The following USP43 variants were observed in gnomAD, a reference collection of about 807,000 sequenced individuals.
USP43 encodes the protein ubiquitin carboxyl-terminal hydrolase 43.
In USP43, 33 loss-of-function variants were observed where a neutral mutation model predicts 90.7. The ratio of observed to expected loss-of-function variants is 0.36; its 90% CI spans 0.28 to 0.49. USP43 has a LOEUF of 0.49. Among genes scored for constraint, USP43 ranks in the 20% least tolerant of loss-of-function variants. The probability of loss-of-function intolerance (pLI) is 0.98; values close to 1 mark genes in which losing one functional copy is unlikely to be tolerated. For missense variants in USP43, 1,274 were observed against 1,476.4 expected (o/e 0.86, Z 2.25); for synonymous variants, 598 against 615.8 (o/e 0.97, Z 0.43).
At chr17:9,692,744 C>T (rs1309139049) in intron 8 of USP43, among the ~76,000 whole-genome samples, 4 of 152,096 alleles carry the variant, frequency 2.6e-5, no homozygotes, top group East Asian at 3.9e-4. Flanking sequence ...AAAATTGCCT[C>T]ATTGTGGGGA....
chr17:9,672,094 G>A (rs1380422323), intron 3 of USP43, among the ~76,000 whole-genome samples: 2 of 151,990 alleles, frequency 1.3e-5, no homozygotes, highest in Admixed American at 6.6e-5. Flanking sequence ...CCTCCCGGGT[G>A]CAAGCGATTC....
At chr17:9,725,246 CTAACGGCCTGTGTCTT>C (rs1478300255) in intron 14 of USP43, among the ~76,000 whole-genome samples, 2 of 149,200 alleles carry the variant, frequency 1.3e-5, no homozygotes, top group Admixed American at 1.3e-4. Context: ...CAGGAAGAAC[CTAACGGCCTGTGTCTT>C]TAATGCAGTG....
chr17:9,724,214 C>A (rs376636046), intron 14 of USP43, among the ~76,000 whole-genome samples: 2 of 152,146 alleles, frequency 1.3e-5, no homozygotes, highest in Non-Finnish European at 2.9e-5. Context: ...TTCCCCGCTT[C>A]GTCCTGCTGG....
At chr17:9,711,108 C>T (rs971196210) in intron 13 of USP43, among the ~76,000 whole-genome samples, 2 of 152,074 alleles carry the variant, frequency 1.3e-5, no homozygotes, top group African/African-American at 4.8e-5. Context: ...TTCTTACTGT[C>T]CAGTATAATA....
chr17:9,687,269 A>G (rs1256488911), intron 8 of USP43, among the ~76,000 whole-genome samples: 1 of 151,986 alleles, frequency 6.6e-6, no homozygotes, highest in Non-Finnish European at 1.5e-5. Flanking sequence ...CCAATTTTGT[A>G]TGTTTATGGC....
chr17:9,710,215 G>A (rs909687668), intron 13 of USP43, 101 bp downstream of exon 13: 1 of 1,276,928 alleles, frequency 7.8e-7, no homozygotes. Flanking sequence ...AGGTTGGCAA[G>A]GATCTGAAAG....
intron 9 of USP43, among the ~76,000 whole-genome samples, chr17:9,697,797 G>T (rs536508653): frequency 2.8e-4 from 42 of 152,060 alleles, no homozygotes; most frequent in Non-Finnish European, 5.4e-4. Flanking sequence ...TGTGACAAAC[G>T]TGTGAGTGCA....
intron 1 of USP43, among the ~76,000 whole-genome samples, chr17:9,652,234 A>AAAAAAAAAAG (rs61023073): frequency 2.7e-5 from 4 of 149,680 alleles, no homozygotes; most frequent in African/African-American, 1.0e-4. Context: ...AAAAAAGAAA[A>AAAAAAAAAAG]GAAAAGAAAG....
At chr17:9,723,093 G>A (rs1171691850) in intron 14 of USP43, among the ~76,000 whole-genome samples, 2 of 152,190 alleles carry the variant, frequency 1.3e-5, no homozygotes, top group African/African-American at 4.8e-5. Flanking sequence ...CAGCTTGGCT[G>A]GTTGCACGAC....
At chr17:9,715,829 A>G (rs994095610) in intron 14 of USP43, among the ~76,000 whole-genome samples, 4 of 122,702 alleles carry the variant, frequency 3.3e-5, no homozygotes, top group African/African-American at 9.7e-5. Flanking sequence ...CTGTGTGTCT[A>G]TGTGTATGTA....
rs1380740291 is a variant in USP43, at chr17:9,728,338, A to G, written c.2720A>G (p.Asp907Gly). The G allele has an allele frequency of 6.2e-7, 1 of 1,612,226 alleles. No individual in the cohort carries two copies. Among genetic ancestry groups the G allele is most frequent in the Non-Finnish European group, 8.5e-7 (1 of 1,179,158 alleles). The change falls in exon 15 of 15, where the codon GAT (aspartate) becomes GGT (glycine). Residue 907 changes from aspartate (D) to glycine (G), a missense_variant. Physicochemically the swap from Asp to Gly is moderately conservative, Grantham distance 94. Around this residue, in one of 6 missense-constraint regions of USP43, gnomAD observed 353 missense variants for 329.7 expected, o/e 1.07. Transcript: ENST00000285199. This position sits in a 1 kb window ranked among gnomAD's most constrained non-coding sequence, Gnocchi z 6.2. ...PNHCLAPGNS[D>G]GPNTARKLKE... ...CACTGTCTGGCCCCTGGAAACTCAG[A>G]TGGTCCAAACACAGCAAGGAAACTC... is the stretch of plus-strand genomic sequence containing the variant.
chr17:9,701,908 A>G lies in USP43; in HGVS notation c.2011+208A>G, dbSNP rs955047503. Among the ~76,000 whole-genome samples the G allele has an allele frequency of 1.3e-5, 2 of 152,140 alleles. No homozygotes were observed. Among genetic ancestry groups the G allele is most frequent in the Non-Finnish European group, 2.9e-5 (2 of 68,024 alleles). On this transcript the variant is annotated intron_variant, in intron 12 of 14. Transcript: ENST00000285199. The surrounding 1 kb of genome is among the most constrained non-coding windows in gnomAD (Gnocchi z 7.2). ...TGTAGGAGCTGGTGGGGGAGAGAGA[A>G]TTCCAGTAAAATATAGTGCTGAGTC... is the stretch of plus-strand genomic sequence containing the variant.
rs564353108 is a variant in USP43, at chr17:9,700,841, G to A, written c.1536-278G>A. Among the ~76,000 whole-genome samples, 430 of 152,282 alleles carry A rather than the reference G, an allele frequency of 2.8e-3. 1 individual carries two copies. The highest frequency in any genetic ancestry group is 4.5e-3 in the Non-Finnish European group (304 of 68,026). On this transcript the variant is annotated intron_variant, in intron 10 of 14. Coordinates refer to ENST00000285199, the MANE Select transcript of USP43 (RefSeq NM_153210.5). Reference sequence around the variant, plus strand: ...TCGTTCAGTCCAGCAAGTATTTATTGATCAACTTCTAGGTGCCAGGCCCTG... The same window carrying A: ...TCGTTCAGTCCAGCAAGTATTTATTAATCAACTTCTAGGTGCCAGGCCCTG...
At chr17:9,678,336 A>G (rs1913921566) in intron 5 of USP43, among the ~76,000 whole-genome samples, 1 of 152,142 alleles carries the variant, frequency 6.6e-6, no homozygotes, top group South Asian at 2.1e-4. Context: ...TCATAGATAT[A>G]TGTACTTGGA....
chr17:9,689,763 A>G (rs1481030675), intron 8 of USP43, among the ~76,000 whole-genome samples: 1 of 152,058 alleles, frequency 6.6e-6, no homozygotes, highest in African/African-American at 2.4e-5. Context: ...TGAGGCCAGC[A>G]CTATTTGTGT....
Position 9,701,042 on chromosome 17 carries a change from G to A in USP43, c.1536-77G>A, listed in dbSNP as rs151136787. 3.3e-3 allele frequency: 4,642 copies of A among 1,416,006 alleles called. 19 individuals are homozygous for A. Among genetic ancestry groups the A allele is most frequent in the Middle Eastern group, 7.5e-3 (31 of 4,112 alleles). 87.7% of individuals were successfully genotyped at this position (1,416,006 alleles called of 1,614,324 possible). A position where few individuals can be genotyped will look rare whatever the true frequency, so the allele number is the denominator to read the frequency against. ...CTGGCCAATGTCTGCTGACGGGTTT[G>A]CTGTGAGTAGAGACATAGACGAAAC... On this transcript the variant is annotated intron_variant, in intron 10 of 14. Transcript: ENST00000285199. The surrounding 1 kb of genome is among the most constrained non-coding windows in gnomAD (Gnocchi z 7.2).
At chr17:9,672,305 A>G (rs1351768678) in intron 3 of USP43, among the ~76,000 whole-genome samples, 2 of 152,134 alleles carry the variant, frequency 1.3e-5, no homozygotes, top group Non-Finnish European at 2.9e-5. Context: ...CATCGTTTTC[A>G]TTCTTTCAAT....
Position 9,728,505 on chromosome 17 carries a change from A to T in USP43, c.2887A>T (p.Ser963Cys). Residue 963 changes from serine (S) to cysteine (C), a missense_variant, in exon 15 of 15, where the codon AGC (serine) becomes TGC (cysteine). Ser to Cys is a moderately radical substitution (Grantham distance 112). Transcript: ENST00000285199. This position sits in a 1 kb window ranked among gnomAD's most constrained non-coding sequence, Gnocchi z 6.2. Reference sequence around the variant, plus strand: ...CTGGAAGGAGAGCTTCCAGATGGGAAGCAAAAGCAGCCCACCCTCCCCCTA... The same window carrying T: ...CTGGAAGGAGAGCTTCCAGATGGGATGCAAAAGCAGCCCACCCTCCCCCTA... Reference protein sequence around the residue: ...MNWKESFQMGSKSSPPSPYMG... With the variant: ...MNWKESFQMGCKSSPPSPYMG... 6.2e-7 allele frequency: 1 copy of T among 1,613,912 alleles called. No individual in the cohort carries two copies.
At chr17:9,687,108 T>C (rs2151979468) in intron 8 of USP43, among the ~76,000 whole-genome samples, 199 bp downstream of exon 8, 1 of 152,350 alleles carries the variant, frequency 6.6e-6, no homozygotes, top group East Asian at 1.9e-4. Flanking sequence ...CTGTAGTGTT[T>C]TACTTTTGTG....
Sources: gnomAD v4.1 joint callset for allele counts (sites outside exome capture counted in the v4.1 genomes callset) on GRCh38, gnomAD v4.1.1 for gene constraint, gnomAD v4.1.1 regional missense constraint, Gnocchi (gnomAD v3.1) non-coding constraint, MANE v1.5 for transcripts, NCBI Gene and HGNC (gene_info 2026-07-23, HGNC 2026-07-21) for gene names.